GPSM1: variants seen among roughly 807,000 people sequenced by gnomAD.
The protein encoded by GPSM1 is G protein-signaling modulator 1.
GPSM1 carries 48 observed loss-of-function variants against 70.5 expected under a neutral mutation model. The observed-to-expected ratio is 0.68, with a 90% CI of 0.54 to 0.87. GPSM1 has a LOEUF of 0.87. GPSM1 is among the 40% of genes least tolerant of loss of function. GPSM1 has a pLI of 0.00. For synonymous variants in GPSM1, 416 were observed against 430.1 expected (o/e 0.97, Z 0.41); for missense variants, 981 against 972.6 (o/e 1.01, Z -0.11).
chr9:136,336,861 C>T (rs1832249793), intron 3 of GPSM1, 60 bp from the exon 4 acceptor site: 2 of 1,480,928 alleles, frequency 1.4e-6, no homozygotes, highest in African/African-American at 2.8e-5. Flanking sequence ...GGTGTGCCGG[C>T]TCTGCACATC....
chr9:136,349,567 A>T lies in GPSM1; in HGVS notation c.1279-20A>T. On this transcript the variant is annotated intron_variant, in intron 10 of 13. Transcript: ENST00000440944. Reference sequence around the variant, plus strand: ...TGGTTCACAATTGCCCAGGCCACGCACAGCCTTACCCCTCCCCAGGAGCAG... The same window carrying T: ...TGGTTCACAATTGCCCAGGCCACGCTCAGCCTTACCCCTCCCCAGGAGCAG... 1 of 1,546,158 alleles carries T rather than the reference A, an allele frequency of 6.5e-7. No individual in the cohort carries two copies.
chr9:136,351,129 G>A (rs1832651346), intron 11 of GPSM1, among the ~76,000 whole-genome samples: 1 of 152,190 alleles, frequency 6.6e-6, no homozygotes, highest in African/African-American at 2.4e-5. Context: ...TGTGGGTGCT[G>A]GGCTGGGATT....
chr9:136,345,572 G>T (rs372616111), intron 9 of GPSM1, among the ~76,000 whole-genome samples: 3 of 152,240 alleles, frequency 2.0e-5, no homozygotes, highest in Non-Finnish European at 2.9e-5. Flanking sequence ...CGGTGTCCTG[G>T]TGGAGGGCCA....
chr9:136,355,699 A>C lies in GPSM1; in HGVS notation c.1465A>C (p.Arg489=), dbSNP rs1832795744. The C allele has an allele frequency of 6.2e-7, 1 of 1,612,084 alleles. No homozygotes were observed. Among genetic ancestry groups the C allele is most frequent in the East Asian group, 2.2e-5 (1 of 44,872 alleles). The change falls in exon 12 of 14, where the codon AGG becomes CGG. Residue 489 remains arginine, a synonymous_variant. Transcript: ENST00000440944. Reference sequence around the variant, plus strand: ...CCCACTCCCTCCCCAGAGCATCCCGAGGGCCCCGTCTTCGGACGAGGAGTG... The same window carrying C: ...CCCACTCCCTCCCCAGAGCATCCCGCGGGCCCCGTCTTCGGACGAGGAGTG... ...RVHVPRTSIP[R]APSSDEECFF...
rs1554773636 is a variant in GPSM1, at chr9:136,358,202, C to T, written c.2010C>T (p.Cys670=). 1.9e-6 allele frequency: 3 copies of T among 1,555,910 alleles called. No individual in the cohort carries two copies. Among genetic ancestry groups the T allele is most frequent in the Non-Finnish European group, 2.6e-6 (3 of 1,154,322 alleles). The change falls in exon 14 of 14, where the codon TGC becomes TGT. Residue 670 remains cysteine, a synonymous_variant. Transcript: ENST00000440944. ...AGGPPEPQQQ[C]QPGAS is the part of the protein sequence containing the mutation. ...GCCCGCCCGAGCCCCAGCAGCAGTG[C>T]CAGCCTGGTGCGAGCTAAGGCCCTG...
rs927254637 is a variant in GPSM1, at chr9:136,349,586, G to A, written c.1279-1G>A. On this transcript the variant is annotated splice_acceptor_variant, in intron 10 of 13. Transcript: ENST00000440944. LOFTEE classifies it high-confidence loss of function. ...CCACGCACAGCCTTACCCCTCCCCA[G>A]GAGCAGAATGGAGACAGCCACCATT... 5 of 1,549,894 alleles carry A rather than the reference G, an allele frequency of 3.2e-6. No individual in the cohort carries two copies. Among genetic ancestry groups the A allele is most frequent in the Non-Finnish European group, 4.4e-6 (5 of 1,146,574 alleles).
At chr9:136,339,969 T>TCCTTTCAGGGCCATTGCA (rs1832347366) in intron 8 of GPSM1, among the ~76,000 whole-genome samples, 154 bp downstream of exon 8, 1 of 136,008 alleles carries the variant, frequency 7.4e-6, no homozygotes, top group Admixed American at 7.3e-5. Flanking sequence ...GGCCTGGTGA[T>TCCTTTCAGGGCCATTGCA]GACATGTCTA....
intron 1 of GPSM1, among the ~76,000 whole-genome samples, chr9:136,333,683 C>T (rs935732430): frequency 2.0e-5 from 3 of 152,192 alleles, no homozygotes; most frequent in Admixed American, 6.5e-5. Context: ...TGGGATGGGG[C>T]GCCATCCACA....
At chr9:136,351,250 C>T (rs1189974798) in intron 11 of GPSM1, among the ~76,000 whole-genome samples, 1 of 152,160 alleles carries the variant, frequency 6.6e-6, no homozygotes, top group African/African-American at 2.4e-5. Context: ...GTCCATCCGT[C>T]CACTGATGGG....
chr9:136,356,316 AG>A (rs1358313910), intron 12 of GPSM1, 25 bp from the exon 13 acceptor site: 10 of 1,510,180 alleles, frequency 6.6e-6, no homozygotes, highest in African/African-American at 1.4e-5. Context: ...ACTGGGTCCC[AG>A]GTCTCACCCT....
intron 13 of GPSM1, among the ~76,000 whole-genome samples, chr9:136,357,153 C>G (rs1246944335): frequency 4.6e-5 from 7 of 152,206 alleles, no homozygotes; most frequent in East Asian, 1.9e-4. Context: ...GACTGCTGAG[C>G]CAACTGCTAT....
Position 136,349,652 on chromosome 9 carries a change from C to A in GPSM1, c.1344C>A (p.Leu448=). The change falls in exon 11 of 14, where the codon CTC becomes CTA. Residue 448 remains leucine (L), a synonymous_variant. Transcript: ENST00000440944. ...GGCCCAGCAGGGACTCGCTACCCCT[C>A]CCCGTGAGGAGCAGGAAGTACCAGG... ...WRGPSRDSLP[L]PVRSRKYQEG... 6.4e-7 allele frequency: 1 copy of A among 1,550,606 alleles called. No individual in the cohort carries two copies. The highest frequency in any genetic ancestry group is 8.7e-7 in the Non-Finnish European group (1 of 1,146,938).
rs894520602 is a variant in GPSM1 at position 136,359,270 on chromosome 9, C to G, written c.*1050C>G. On this transcript the variant is annotated 3_prime_UTR_variant, in exon 14 of 14. Transcript: ENST00000440944. ...GTCCAGACCCAGCCTTGGCACCTCC[C>G]AAGACTGCCAAGGGCCCTACCATGG... The G allele has an allele frequency of 1.3e-5, 2 of 152,214 alleles. No homozygotes were observed. Among genetic ancestry groups the G allele is most frequent in the Non-Finnish European group, 2.9e-5 (2 of 68,034 alleles). 9.4% of individuals were successfully genotyped at this position (152,214 alleles called of 1,614,324 possible). A position where few individuals can be genotyped will look rare whatever the true frequency, so the allele number is the denominator to read the frequency against.
chr9:136,354,504 G>A (rs1832758727), intron 11 of GPSM1, among the ~76,000 whole-genome samples: 1 of 152,256 alleles, frequency 6.6e-6, no homozygotes, highest in Non-Finnish European at 1.5e-5. Context: ...TCAGCTGTGA[G>A]CCCAGCATTT....
chr9:136,329,601 A>G (rs1832055045), intron 1 of GPSM1, among the ~76,000 whole-genome samples: 1 of 152,112 alleles, frequency 6.6e-6, no homozygotes, highest in South Asian at 2.1e-4. Context: ...GGGGTCCCTC[A>G]ATGTGGATGG....
At chr9:136,333,136 G>C (rs1391618438) in intron 1 of GPSM1, among the ~76,000 whole-genome samples, 1 of 152,244 alleles carries the variant, frequency 6.6e-6, no homozygotes, top group Non-Finnish European at 1.5e-5. Context: ...TCTGAAATCA[G>C]GTCCCTCCTG....
Position 136,356,338 on chromosome 9 carries a change from G to A in GPSM1, c.1613-4G>A, listed in dbSNP as rs782776682. 3.2e-5 allele frequency: 50 copies of A among 1,566,726 alleles called. No homozygotes were observed. In the Middle Eastern group the frequency reaches 5.1e-4, roughly 16 times the overall value. On this transcript the variant is annotated splice_region_variant and splice_polypyrimidine_tract_variant and intron_variant, in intron 12 of 13. Transcript: ENST00000440944. ...CCCAGGTCTCACCCTCTGGCCCCCC[G>A]CAGCCCAGCCCTCGATGACGGCCTC... is the stretch of plus-strand genomic sequence containing the variant.
intron 11 of GPSM1, 70 bp downstream of exon 11, chr9:136,349,833 G>T: frequency 7.0e-7 from 1 of 1,421,072 alleles, no homozygotes. Context: ...CAACTCCACT[G>T]CCAGCCAACG....
chr9:136,338,642 G>T lies in GPSM1; in HGVS notation c.906G>T (p.Leu302=). 3 of 1,603,490 alleles carry T rather than the reference G, an allele frequency of 1.9e-6. No individual in the cohort carries two copies. The highest frequency in any genetic ancestry group is 2.6e-6 in the Non-Finnish European group (3 of 1,176,392). The change falls in exon 7 of 14, where the codon CTG becomes CTT. Residue 302 remains leucine, a synonymous_variant. Coordinates refer to ENST00000440944, the MANE Select transcript of GPSM1 (RefSeq NM_001145638.3). The part of the protein sequence containing the change: ...CYSLGNTYTL[L]QDYERAAEYH... ...GTCTGGGCAACACCTACACGCTGCTGCAGGACTACGAGCGCGCGGCCGAGT... is the reference window on the plus strand; with the variant it reads ...GTCTGGGCAACACCTACACGCTGCTTCAGGACTACGAGCGCGCGGCCGAGT...
Sources: allele counts gnomAD v4.1 joint callset (sites outside exome capture counted in the v4.1 genomes callset), GRCh38; gene constraint gnomAD v4.1.1; transcripts MANE v1.5; gene names NCBI Gene and HGNC (gene_info 2026-07-23, HGNC 2026-07-21).